The following KRT20 variants were observed in gnomAD, a reference collection of about 807,000 sequenced individuals.
KRT20 encodes the protein keratin, type I cytoskeletal 20.
KRT20 carries 41 observed loss-of-function variants against 43.0 expected under a neutral mutation model. The observed-to-expected ratio is 0.95, with a 90% CI of 0.74 to 1.24. The LOEUF (loss-of-function observed/expected upper bound fraction) is 1.24. Ranked by LOEUF, KRT20 falls within the 50% of genes most tolerant of loss-of-function variation. The probability of loss-of-function intolerance (pLI) is 0.00; values close to 1 mark genes in which losing one functional copy is unlikely to be tolerated. For synonymous variants in KRT20, 207 were observed against 200.6 expected (o/e 1.03, Z -0.27); for missense variants, 533 against 521.2 (o/e 1.02, Z -0.22).
Position 40,884,779 on chromosome 17 carries a change from C to A in KRT20, c.390+17G>T. On this transcript the variant is annotated intron_variant, in intron 1 of 7. Coordinates refer to ENST00000167588, the MANE Select transcript of KRT20 (RefSeq NM_019010.3). Reference sequence around the variant, plus strand: ...GAAGCTAAACACAGAGTAGGAAACACAAGCATCATCTCTCACCTGACTTCG... The same window carrying A: ...GAAGCTAAACACAGAGTAGGAAACAAAAGCATCATCTCTCACCTGACTTCG... The A allele has an allele frequency of 6.2e-7, 1 of 1,601,636 alleles. No homozygotes were observed. The highest frequency in any genetic ancestry group is 8.5e-7 in the Non-Finnish European group (1 of 1,172,328).
chr17:40,878,401 G>T, intron 5 of KRT20, 36 bp from the exon 6 acceptor site: 1 of 1,477,924 alleles, frequency 6.8e-7, no homozygotes, highest in Non-Finnish European at 9.4e-7. Context: ...CTTCTTATGT[G>T]AGGACTTGAT....
chr17:40,885,028 A>C lies in KRT20; in HGVS notation c.158T>G (p.Val53Gly). 6.2e-7 allele frequency: 1 copy of C among 1,614,060 alleles called. No homozygotes were observed. Among genetic ancestry groups the C allele is most frequent in the South Asian group, 1.1e-5 (1 of 91,062 alleles). Reference sequence around the variant, plus strand: ...GCCTGTGAGATCGCTCCCATAGTTCACCGTGTGTCTGGAGTTGGAGATGCG... The same window carrying C: ...GCCTGTGAGATCGCTCCCATAGTTCCCCGTGTGTCTGGAGTTGGAGATGCG... ...GIRISNSRHT[V>G]NYGSDLTGGG... Residue 53 changes from valine to glycine, a missense_variant, in exon 1 of 8, where the codon GTG becomes GGG. By Grantham distance (109) the Val-to-Gly change is moderately radical (BLOSUM62 -3). Transcript: ENST00000167588.
At chr17:40,879,738 C>T in intron 5 of KRT20, 75 bp downstream of exon 5, 1 of 1,528,826 alleles carries the variant, frequency 6.5e-7, no homozygotes. Flanking sequence ...TAGGTCTTTG[C>T]ATTTCTATAG....
Position 40,879,905 on chromosome 17 carries a change from T to A in KRT20, c.826A>T (p.Thr276Ser). Residue 276 changes from threonine (T) to serine (S), a missense_variant, in exon 5 of 8, where the codon ACT becomes TCT. Transcript: ENST00000167588. Reference protein sequence around the residue: ...AVLQQQVTVNTEELKGTEVQL... With the variant: ...AVLQQQVTVNSEELKGTEVQL... ...ACCTCAGTTCCTTTTAATTCTTCAG[T>A]ATTCACTGTGACCTGTTGCTGCAGA... 1 of 1,613,802 alleles carries A rather than the reference T, an allele frequency of 6.2e-7. No homozygotes were observed. The highest frequency in any genetic ancestry group is 2.2e-5 in the East Asian group (1 of 44,874).
Position 40,880,154 on chromosome 17 carries a change from A to C in KRT20, c.738T>G (p.Tyr246Ter). The change falls in exon 4 of 8, where the codon TAT becomes TAG. Residue 246 changes from tyrosine to a stop codon, truncating the protein, a stop_gained. Transcript: ENST00000167588. LOFTEE classifies it high-confidence loss of function. The stretch of plus-strand genomic sequence containing the variant: ...GAAGGTTCTTCTGGGCCATGACTTC[A>C]TACTTCTGCCTCATTTCATTCATGA... ...GVIMNEMRQKYEVMAQKNLQE... is the reference protein window; with the variant it reads ...GVIMNEMRQK 1 of 1,614,170 alleles carries C rather than the reference A, an allele frequency of 6.2e-7. No individual in the cohort carries two copies. The highest frequency in any genetic ancestry group is 8.5e-7 in the Non-Finnish European group (1 of 1,180,026).
At position 40,884,918 on chromosome 17, in the gene KRT20, T is replaced by A. The variant is rs770862824; in HGVS notation, c.268A>T (p.Thr90Ser). ...RLASYLEKVRTLEQSNSKLEV... is the reference protein window; with the variant it reads ...RLASYLEKVRSLEQSNSKLEV... ...AGTTTGGAGTTGGACTGCTCCAGGG[T>A]CCGCACCTTTTCTAGGTAGCTCGCT... Residue 90 changes from threonine to serine, a missense_variant, in exon 1 of 8, where the codon ACC becomes TCC. Coordinates refer to ENST00000167588, the MANE Select transcript of KRT20 (RefSeq NM_019010.3). The A allele has an allele frequency of 8.7e-6, 14 of 1,614,118 alleles. No individual in the cohort carries two copies.
chr17:40,882,946 G>C lies in KRT20; in HGVS notation c.391-292C>G, dbSNP rs1907665105. Among the ~76,000 whole-genome samples, 3 of 152,034 alleles carry C rather than the reference G, an allele frequency of 2.0e-5. No individual in the cohort carries two copies. In the South Asian group the frequency reaches 6.2e-4, roughly 31 times the overall value. ...GCTGGTCTTGAAGTTCTGACCTCAGGTGATCTGCCTGCCTCGGCCTCCCAA... is the reference window on the plus strand; with the variant it reads ...GCTGGTCTTGAAGTTCTGACCTCAGCTGATCTGCCTGCCTCGGCCTCCCAA... On this transcript the variant is annotated intron_variant, in intron 1 of 7. Transcript: ENST00000167588.
chr17:40,876,226 C>T lies in KRT20; in HGVS notation c.*135G>A. ...TTACAGAGTCTGATAAATAGGATTC[C>T]CGCCACCCCACCCCTTCTAATCACT... On this transcript the variant is annotated 3_prime_UTR_variant, in exon 8 of 8. Coordinates refer to ENST00000167588, the MANE Select transcript of KRT20 (RefSeq NM_019010.3). 1.9e-6 allele frequency: 1 copy of T among 526,992 alleles called. No individual in the cohort carries two copies. Among genetic ancestry groups the T allele is most frequent in the African/African-American group, 1.9e-5 (1 of 52,622 alleles). 32.6% of individuals were successfully genotyped at this position (526,992 alleles called of 1,614,324 possible). A position where few individuals can be genotyped will look rare whatever the true frequency, so the allele number is the denominator to read the frequency against.
At chr17:40,880,553 T>C in intron 3 of KRT20, 61 bp downstream of exon 3, 1 of 1,425,204 alleles carries the variant, frequency 7.0e-7, no homozygotes, top group Non-Finnish European at 9.7e-7. Flanking sequence ...GCTCCTCCTA[T>C]TATTAGTATT....
chr17:40,881,689 C>T (rs16966377), intron 2 of KRT20, among the ~76,000 whole-genome samples: 14 of 152,074 alleles, frequency 9.2e-5, no homozygotes, highest in African/African-American at 3.4e-4. Flanking sequence ...TTGTTAATCC[C>T]TTGGAGCATT....
At chr17:40,878,476 G>A (rs879897897) in intron 5 of KRT20, 111 bp from the exon 6 acceptor site, 2 of 774,792 alleles carry the variant, frequency 2.6e-6, no homozygotes, top group Non-Finnish European at 4.2e-6. Flanking sequence ...CTGTGGGCAT[G>A]GTGTATATTT....
chr17:40,876,376 C>T lies in KRT20; in HGVS notation c.1260G>A (p.Val420=), dbSNP rs201267850. 11 of 1,609,196 alleles carry T rather than the reference C, an allele frequency of 6.8e-6. No homozygotes were observed. Among genetic ancestry groups the T allele is most frequent in the Admixed American group, 5.0e-5 (3 of 59,980 alleles). ...TGGTAGCTATTTAGATATTTTCTTC[C>T]ACCTCTTTGACTTCAGATGACACGA... ...GKVVSSEVKE[V]EENI The change falls in exon 8 of 8, where the codon GTG becomes GTA. Residue 420 remains valine, a synonymous_variant. Transcript: ENST00000167588.
rs761802452 is a variant in KRT20 at position 40,879,773 on chromosome 17, C to T, written c.918+40G>A. On this transcript the variant is annotated intron_variant, in intron 5 of 7. Transcript: ENST00000167588. Reference sequence around the variant, plus strand: ...GTTCCTAACAGAGGACCTTGGTAAACACATACTAGATTGAGAAAGAGAAGT... The same window carrying T: ...GTTCCTAACAGAGGACCTTGGTAAATACATACTAGATTGAGAAAGAGAAGT... 2.3e-5 allele frequency: 37 copies of T among 1,609,806 alleles called. No individual in the cohort carries two copies. In the Admixed American group the frequency reaches 5.4e-4, roughly 23 times the overall value.
At chr17:40,877,152 C>G (rs1035735939) in intron 7 of KRT20, among the ~76,000 whole-genome samples, 3 of 152,190 alleles carry the variant, frequency 2.0e-5, no homozygotes, top group African/African-American at 4.8e-5. Flanking sequence ...TGGGATGACA[C>G]AGCAAGAAGG....
Position 40,882,695 on chromosome 17 carries a change from T to TTATTTATTTATTTATA in KRT20, c.391-42_391-41insTATAAATAAATAAATA, listed in dbSNP as rs779199412. On this transcript the variant is annotated intron_variant, in intron 1 of 7. Transcript: ENST00000167588. Reference sequence around the variant, plus strand: ...GAAAGAATGACATTTTCTTTTTTATTTATTTATTTATTTATTTATTTATTT... The same window carrying TTATTTATTTATTTATA: ...GAAAGAATGACATTTTCTTTTTTATTTATTTATTTATTTATATATTTATTTATTTATTTATTTATTT... 8 of 530,560 alleles carry TTATTTATTTATTTATA rather than the reference T, an allele frequency of 1.5e-5. No individual in the cohort carries two copies. In the African/African-American group the frequency reaches 2.0e-4, roughly 13 times the overall value. The allele number at this position is 530,560 out of a possible 1,614,324, so 32.9% of individuals were successfully genotyped here. A position where few individuals can be genotyped will look rare whatever the true frequency, so the allele number is the denominator to read the frequency against.
Position 40,876,427 on chromosome 17 carries a change from G to A in KRT20, c.1209C>T (p.Val403=), listed in dbSNP as rs746178365. 1.7e-5 allele frequency: 27 copies of A among 1,612,544 alleles called. No homozygotes were observed. The highest frequency in any genetic ancestry group is 2.2e-5 in the East Asian group (1 of 44,870). The stretch of plus-strand genomic sequence containing the variant: ...CCTTGCCATCCACTACTTCTTGCAC[G>A]ACTGTCTTAATCTTCCTGGTTTTCT... The part of the protein sequence containing the change: ...DIKKTRKIKT[V]VQEVVDGKVV... The change falls in exon 8 of 8, where the codon GTC becomes GTT. Residue 403 remains valine (V), a synonymous_variant. Transcript: ENST00000167588.
chr17:40,876,832 T>C (rs1490337072), intron 7 of KRT20, among the ~76,000 whole-genome samples: 2 of 152,208 alleles, frequency 1.3e-5, no homozygotes, highest in Admixed American at 6.5e-5. Flanking sequence ...GGTTTCTTTA[T>C]GCCATGTACA....
At position 40,883,720 on chromosome 17, in the gene KRT20, G is replaced by A. The variant is rs955261719; in HGVS notation, c.391-1066C>T. Among the ~76,000 whole-genome samples the A allele has an allele frequency of 5.9e-5, 9 of 152,368 alleles. No homozygotes were observed. In the Middle Eastern group the frequency reaches 0.01, roughly 173 times the overall value. On this transcript the variant is annotated intron_variant, in intron 1 of 7. Coordinates refer to ENST00000167588, the MANE Select transcript of KRT20 (RefSeq NM_019010.3). ...CAGCTCAATGGGACGGATGGCCTGT[G>A]CCTGTGTATTTCAGATGAACCAAAC...
At chr17:40,880,884 A>G (rs1907567808) in intron 2 of KRT20, 114 bp from the exon 3 acceptor site, 2 of 675,468 alleles carry the variant, frequency 3.0e-6, no homozygotes, top group African/African-American at 1.8e-5. Flanking sequence ...ATCAATTTCA[A>G]TACTTTATAA....
Sources: allele counts gnomAD v4.1 joint callset (sites outside exome capture counted in the v4.1 genomes callset), GRCh38; gene constraint gnomAD v4.1.1; transcripts MANE v1.5; gene names NCBI Gene and HGNC (gene_info 2026-07-23, HGNC 2026-07-21).